The following PROSER1 variants were observed in gnomAD, a reference collection of about 807,000 sequenced individuals.
PROSER1 encodes proline and serine-rich protein 1.
A neutral mutation model predicts 71.8 loss-of-function variants in PROSER1; 36 were observed. The ratio of observed to expected loss-of-function variants is 0.50; its 90% CI spans 0.38 to 0.66. The LOEUF (loss-of-function observed/expected upper bound fraction) is 0.66, where lower values mean the gene tolerates loss of function less well. PROSER1 is among the 30% of genes least tolerant of loss of function. The pLI is 0.00. For missense variants in PROSER1, 1,107 were observed against 1,135.0 expected (o/e 0.98, Z 0.35); for synonymous variants, 490 against 452.4 (o/e 1.08, Z -1.06).
chr13:39,034,198 T>TAAAA lies in PROSER1; in HGVS notation c.46-6_46-3dup. Reference sequence around the variant, plus strand: ...TAATTTGTATTCTGTCAAAACAGCCTAAAAAAAAAAAACACACACACACAG... The same window carrying TAAAA: ...TAATTTGTATTCTGTCAAAACAGCCTAAAAAAAAAAAAAAAACACACACACACAG... On this transcript the variant is annotated splice_region_variant and splice_polypyrimidine_tract_variant and intron_variant, in intron 1 of 12. Coordinates refer to ENST00000352251, the MANE Select transcript of PROSER1 (RefSeq NM_025138.5). 2 of 1,268,560 alleles carry TAAAA rather than the reference T, an allele frequency of 1.6e-6. No individual in the cohort carries two copies. Among genetic ancestry groups the TAAAA allele is most frequent in the Non-Finnish European group, 2.1e-6 (2 of 935,928 alleles). The allele number at this position is 1,268,560 out of a possible 1,614,324, so 78.6% of individuals were successfully genotyped here. A position where few individuals can be genotyped will look rare whatever the true frequency, so the allele number is the denominator to read the frequency against.
intron 9 of PROSER1, among the ~76,000 whole-genome samples, chr13:39,019,045 T>C (rs1870154738): frequency 6.6e-6 from 1 of 152,184 alleles, no homozygotes. Flanking sequence ...AGTAATTTCT[T>C]ACACGTCATT....
rs1031186960 is a variant in PROSER1 at position 39,010,035 on chromosome 13, A to G, written c.*1330T>C. On this transcript the variant is annotated 3_prime_UTR_variant, in exon 13 of 13. Transcript: ENST00000352251. The stretch of plus-strand genomic sequence containing the variant: ...TAAAATATCATTTAAACGAATGAGC[A>G]ATCAGTAGTATAAACAGAGTTACAA... 1 of 152,190 alleles carries G rather than the reference A, an allele frequency of 6.6e-6. No homozygotes were observed. Among genetic ancestry groups the G allele is most frequent in the Admixed American group, 6.6e-5 (1 of 15,260 alleles). 9.4% of individuals were successfully genotyped at this position (152,190 alleles called of 1,614,324 possible). A position where few individuals can be genotyped will look rare whatever the true frequency, so the allele number is the denominator to read the frequency against.
chr13:39,023,220 T>C (rs757743363), intron 7 of PROSER1, 90 bp from the exon 8 acceptor site: 67 of 919,200 alleles, frequency 7.3e-5, no homozygotes, highest in Non-Finnish European at 9.1e-5. Context: ...AGTCCTAATA[T>C]GCTAAAAATG....
rs551560556 is a variant in PROSER1, at chr13:39,018,749, G to GC, written c.731-1206dup. 1.4e-4 allele frequency among the ~76,000 whole-genome samples: 22 copies of GC among 152,130 alleles called. No homozygotes were observed. In the East Asian group the frequency reaches 2.5e-3, roughly 17 times the overall value. On this transcript the variant is annotated intron_variant, in intron 9 of 12. Coordinates refer to ENST00000352251, the MANE Select transcript of PROSER1 (RefSeq NM_025138.5). ...ATACAGAAAATGTAAAATAAGAGTAGCAGGAGGAGGGGAAAAAAAGCAGAG... is the reference window on the plus strand; with the variant it reads ...ATACAGAAAATGTAAAATAAGAGTAGCCAGGAGGAGGGGAAAAAAAGCAGAG...
chr13:39,023,348 A>T, intron 7 of PROSER1: 6 of 466,404 alleles, frequency 1.3e-5, no homozygotes, highest in Non-Finnish European at 2.3e-5. Context: ...ATGGCCATAG[A>T]GGTGGCCAGA....
In PROSER1 at chr13:39,011,473, CGAAGCT is replaced by C; in HGVS notation, c.2721_2726del (p.Ser909_Ala910del). 6.2e-7 allele frequency: 1 copy of C among 1,613,888 alleles called. No individual in the cohort carries two copies. The highest frequency in any genetic ancestry group is 8.5e-7 in the Non-Finnish European group (1 of 1,179,974). On this transcript the variant is annotated inframe_deletion, in exon 13 of 13. Coordinates refer to ENST00000352251, the MANE Select transcript of PROSER1 (RefSeq NM_025138.5). ...GCTGAGCTGGATAGCTTTCCAGAGC[CGAAGCT>C]GAATGGACCTGATGGAAAGAAGAGC... is the stretch of plus-strand genomic sequence containing the variant.
chr13:39,024,627 C>T (rs1870459553), intron 6 of PROSER1, 71 bp from the exon 7 acceptor site: 1 of 1,089,616 alleles, frequency 9.2e-7, no homozygotes, highest in Non-Finnish European at 1.3e-6. Flanking sequence ...CAATAACCAA[C>T]CTCACTGTAT....
chr13:39,037,156 G>A lies in PROSER1; in HGVS notation c.45+42C>T, dbSNP rs374644117. On this transcript the variant is annotated intron_variant, in intron 1 of 12. Coordinates refer to ENST00000352251, the MANE Select transcript of PROSER1 (RefSeq NM_025138.5). ...ACCTCAAAGAGAGTCTAAAACACGAGAATTCATCTCATAAAATAATTCATG... is the reference window on the plus strand; with the variant it reads ...ACCTCAAAGAGAGTCTAAAACACGAAAATTCATCTCATAAAATAATTCATG... 5.6e-6 allele frequency: 8 copies of A among 1,427,244 alleles called. No homozygotes were observed. In the African/African-American group the frequency reaches 1.1e-4, roughly 20 times the overall value. The allele number at this position is 1,427,244 out of a possible 1,614,324, so 88.4% of individuals were successfully genotyped here. A position where few individuals can be genotyped will look rare whatever the true frequency, so the allele number is the denominator to read the frequency against.
intron 10 of PROSER1, 94 bp downstream of exon 10, chr13:39,017,406 A>G: frequency 9.8e-6 from 8 of 820,400 alleles, no homozygotes; most frequent in South Asian, 1.6e-5. Flanking sequence ...TTCCTAAAAC[A>G]TAACCATTCC....
At chr13:39,019,981 AT>A (rs936987900) in intron 9 of PROSER1, among the ~76,000 whole-genome samples, 1 of 151,872 alleles carries the variant, frequency 6.6e-6, no homozygotes, top group African/African-American at 2.4e-5. Context: ...GGACAATATT[AT>A]TACTGAATAA....
chr13:39,023,767 TTAGAA>T (rs1360527007), intron 7 of PROSER1: 1 of 152,402 alleles, frequency 6.6e-6, no homozygotes, highest in East Asian at 1.9e-4. Context: ...GCACTGGTCT[TTAGAA>T]AACTGGAAGT....
chr13:39,037,142 A>C, intron 1 of PROSER1, 56 bp downstream of exon 1: 1 of 1,279,898 alleles, frequency 7.8e-7, no homozygotes, highest in Non-Finnish European at 1.1e-6. Context: ...CCTCAAAGAG[A>C]GTCTAAAACA....
intron 10 of PROSER1, among the ~76,000 whole-genome samples, chr13:39,015,936 C>T (rs1869989184): frequency 6.6e-6 from 1 of 151,846 alleles, no homozygotes; most frequent in Non-Finnish European, 1.5e-5. Flanking sequence ...AATAATGTAC[C>T]AAAAAGGTAT....
In PROSER1 at chr13:39,017,471, G is replaced by A. The variant is rs80155495; in HGVS notation, c.775+29C>T. On this transcript the variant is annotated intron_variant, in intron 10 of 12. Transcript: ENST00000352251. The stretch of plus-strand genomic sequence containing the variant: ...ACAGAGCAAACCATGACAGATATCC[G>A]TTATCTCTGGATCAAATTTGCTACT... The A allele has an allele frequency of 1.8e-3, 2,594 of 1,418,446 alleles. 39 individuals carry two copies. In the African/African-American group the frequency reaches 0.03, roughly 16 times the overall value. 87.9% of individuals were successfully genotyped at this position (1,418,446 alleles called of 1,614,324 possible). A position where few individuals can be genotyped will look rare whatever the true frequency, so the allele number is the denominator to read the frequency against.
At position 39,023,282 on chromosome 13, in the gene PROSER1, T is replaced by C. The variant is rs548406264; in HGVS notation, c.565-152A>G. The C allele has an allele frequency of 7.0e-6, 4 of 569,142 alleles. No individual in the cohort carries two copies. In the African/African-American group the frequency reaches 7.5e-5, roughly 11 times the overall value. 35.3% of individuals were successfully genotyped at this position (569,142 alleles called of 1,614,324 possible). On this transcript the variant is annotated intron_variant, in intron 7 of 12. Transcript: ENST00000352251. ...CATGGGACAACAAATGAGGGAAATT[T>C]CTTTGCTTTAATAAATGTGGTTGCT...
Position 39,013,258 on chromosome 13 carries a change from C to G in PROSER1, c.1994G>C (p.Ser665Thr), listed in dbSNP as rs911109327. The G allele has an allele frequency of 1.9e-6, 3 of 1,614,078 alleles. No homozygotes were observed. The highest frequency in any genetic ancestry group is 3.3e-4 in the Middle Eastern group (2 of 6,062). The change falls in exon 11 of 13, where the codon AGC (serine) becomes ACC (threonine). Residue 665 changes from serine (S) to threonine (T), a missense_variant. Coordinates refer to ENST00000352251, the MANE Select transcript of PROSER1 (RefSeq NM_025138.5). Reference protein sequence around the residue: ...CLNPALSGLSSLSTPLNGSNP... With the variant: ...CLNPALSGLSTLSTPLNGSNP... ...TGAACCATTTAAAGGAGTACTCAAG[C>G]TGGAGAGACCTGACAATGCAGGATT...
chr13:39,015,853 T>A (rs367737304), intron 10 of PROSER1, among the ~76,000 whole-genome samples: 1 of 151,678 alleles, frequency 6.6e-6, no homozygotes, highest in Non-Finnish European at 1.5e-5. Flanking sequence ...AATGGATTTG[T>A]ACGTTTTTTG....
chr13:39,016,460 T>C (rs1488306647), intron 10 of PROSER1, among the ~76,000 whole-genome samples: 1 of 152,248 alleles, frequency 6.6e-6, no homozygotes, highest in African/African-American at 2.4e-5. Flanking sequence ...TAGTTTGTCT[T>C]AATTTGTTTC....
At position 39,023,092 on chromosome 13, in the gene PROSER1, A is replaced by G. The variant is rs1439377931; in HGVS notation, c.603T>C (p.Tyr201=). Residue 201 remains tyrosine, a synonymous_variant, in exon 8 of 13, where the codon TAT becomes TAC. Transcript: ENST00000352251. The part of the protein sequence containing the change: ...STYNPHKPVP[Y]PIPPCRPHAT... ...CATGTGGTCGGCATGGAGGTATCGG[A>G]TAAGGAACAGGTTTATGTGGATTAT... is the stretch of plus-strand genomic sequence containing the variant. 3 of 1,613,246 alleles carry G rather than the reference A, an allele frequency of 1.9e-6. No homozygotes were observed. The highest frequency in any genetic ancestry group is 1.7e-6 in the Non-Finnish European group (2 of 1,179,392).
Sources: gnomAD v4.1 joint callset for allele counts (sites outside exome capture counted in the v4.1 genomes callset) on GRCh38, gnomAD v4.1.1 for gene constraint, MANE v1.5 for transcripts, NCBI Gene and HGNC (gene_info 2026-07-23, HGNC 2026-07-21) for gene names.